The following AGK variants were observed in gnomAD, a reference collection of about 807,000 sequenced individuals.
AGK encodes acylglycerol kinase.
A neutral mutation model predicts 66.4 loss-of-function variants in AGK; 52 were observed. The observed-to-expected ratio is 0.78, with a 90% CI of 0.63 to 0.99. The LOEUF is 0.99. Ranked by LOEUF, AGK falls within the 50% of genes least tolerant of loss-of-function variation. The probability of loss-of-function intolerance (pLI) is 0.00; values close to 1 mark genes in which losing one functional copy is unlikely to be tolerated. For synonymous variants in AGK, 182 were observed against 181.1 expected, an observed-to-expected ratio of 1.00 and a Z score of -0.04; for missense variants, 451 against 506.6, an observed-to-expected ratio of 0.89 and a Z score of 1.05.
chr7:141,580,679 G>C (rs1161738354), intron 2 of AGK, among the ~76,000 whole-genome samples: 1 of 152,076 alleles, frequency 6.6e-6, no homozygotes, highest in Non-Finnish European at 1.5e-5. Context: ...GCCTCTAAAA[G>C]TATTAAGGCA....
At chr7:141,594,627 A>G (rs181445345) in intron 3 of AGK, among the ~76,000 whole-genome samples, 2 of 151,314 alleles carry the variant, frequency 1.3e-5, no homozygotes, top group East Asian at 3.9e-4. Context: ...TCCTTTAGTT[A>G]TTTTCTCCTT....
chr7:141,556,771 CCT>C (rs1014914384), intron 2 of AGK, among the ~76,000 whole-genome samples: 3 of 152,084 alleles, frequency 2.0e-5, no homozygotes, highest in Non-Finnish European at 4.4e-5. Context: ...TCCTCCATCC[CCT>C]GTTACTATCC....
At chr7:141,638,815 T>C (rs1412044743) in intron 11 of AGK, among the ~76,000 whole-genome samples, 1 of 152,148 alleles carries the variant, frequency 6.6e-6, no homozygotes, top group Non-Finnish European at 1.5e-5. Context: ...TTAATCTATG[T>C]AGAGTTTAAC....
chr7:141,585,490 G>A (rs575017321), intron 2 of AGK, among the ~76,000 whole-genome samples: 10 of 152,148 alleles, frequency 6.6e-5, no homozygotes, highest in South Asian at 2.1e-4. Context: ...TGTTATAAAC[G>A]TCTAAACTTG....
chr7:141,562,550 G>A (rs1795372884), intron 2 of AGK, among the ~76,000 whole-genome samples: 4 of 152,182 alleles, frequency 2.6e-5, no homozygotes, highest in Admixed American at 1.3e-4. Context: ...GTATGGGGAG[G>A]TGGTTCTCAG....
intron 2 of AGK, among the ~76,000 whole-genome samples, chr7:141,557,141 A>G (rs888978032): frequency 1.3e-5 from 2 of 152,344 alleles, no homozygotes; most frequent in African/African-American, 4.8e-5. Context: ...TGGAAAAGAG[A>G]TTCATATTGA....
chr7:141,636,819 C>G (rs140265022), intron 10 of AGK, 141 bp from the exon 11 acceptor site: 1 of 595,538 alleles, frequency 1.7e-6, no homozygotes, highest in African/African-American at 1.8e-5. Context: ...CTCTTTTATA[C>G]TAAGCCATAA....
chr7:141,587,085 T>C (rs11768654), intron 2 of AGK, among the ~76,000 whole-genome samples: 72,386 of 152,054 alleles, frequency 0.48, 17,453 homozygotes, highest in East Asian at 0.58. Context: ...TCTCTCACAC[T>C]TGCACTTTCT....
At position 141,640,993 on chromosome 7, in the gene AGK, G is replaced by A. The variant is rs78594508; in HGVS notation, c.727-255G>A. ...ACCCTCTTTTTGGACAAATGTAAATGGTGGTGGTTAGCCAATTTTAGGGGG... is the reference window on the plus strand; with the variant it reads ...ACCCTCTTTTTGGACAAATGTAAATAGTGGTGGTTAGCCAATTTTAGGGGG... On this transcript the variant is annotated intron_variant, in intron 11 of 15. Coordinates refer to ENST00000649286, the MANE Select transcript of AGK (RefSeq NM_018238.4). 1.2e-4 allele frequency among the ~76,000 whole-genome samples: 19 copies of A among 152,248 alleles called. No individual in the cohort carries two copies. In the East Asian group the frequency reaches 2.9e-3, roughly 23 times the overall value.
chr7:141,587,088 C>T (rs1271164230), intron 2 of AGK, among the ~76,000 whole-genome samples: 1 of 152,222 alleles, frequency 6.6e-6, no homozygotes, highest in South Asian at 2.1e-4. Context: ...CTCACACTTG[C>T]ACTTTCTGCT....
chr7:141,617,747 G>C (rs973636334), intron 8 of AGK, among the ~76,000 whole-genome samples: 4 of 152,242 alleles, frequency 2.6e-5, no homozygotes, highest in Middle Eastern at 3.4e-3. Flanking sequence ...AAAAAGACTT[G>C]ATGAGTTACA....
chr7:141,626,099 C>T (rs904363685), intron 9 of AGK, among the ~76,000 whole-genome samples: 1 of 152,132 alleles, frequency 6.6e-6, no homozygotes, highest in Admixed American at 6.5e-5. Context: ...ATAAAAATAG[C>T]CAAGGCGCTG....
At chr7:141,588,751 T>G (rs890365378) in intron 2 of AGK, among the ~76,000 whole-genome samples, 3 of 152,120 alleles carry the variant, frequency 2.0e-5, no homozygotes, top group African/African-American at 7.2e-5. Context: ...ATTCATGAGT[T>G]TTTTCAGAAA....
chr7:141,638,373 G>A (rs1166629892), intron 11 of AGK, among the ~76,000 whole-genome samples: 1 of 152,152 alleles, frequency 6.6e-6, no homozygotes, highest in Admixed American at 6.5e-5. Flanking sequence ...TAAAATGGCA[G>A]GAAGTGAAGC....
At chr7:141,583,355 G>A (rs1795921929) in intron 2 of AGK, among the ~76,000 whole-genome samples, 1 of 151,406 alleles carries the variant, frequency 6.6e-6, no homozygotes, top group East Asian at 1.9e-4. Flanking sequence ...ATGGAGAGAA[G>A]GGGTGGGGGT....
chr7:141,647,938 T>C (rs769396779), intron 13 of AGK, among the ~76,000 whole-genome samples: 48 of 152,210 alleles, frequency 3.2e-4, no homozygotes, highest in African/African-American at 1.0e-3. Flanking sequence ...CCCAAAGTGC[T>C]GAGATCACAG....
At chr7:141,582,906 G>A (rs1351347732) in intron 2 of AGK, among the ~76,000 whole-genome samples, 8 of 151,646 alleles carry the variant, frequency 5.3e-5, no homozygotes, top group Admixed American at 5.2e-4. Flanking sequence ...GAGGTCAGAT[G>A]GGTCCATAAA....
chr7:141,652,759 G>A lies in AGK; in HGVS notation c.1132-28G>A, dbSNP rs772736045. ...TCCAGTAGGCCACTGATGTGTTTGAGCTGTTCTGAATATTCTCTTCTCCCC... is the reference window on the plus strand; with the variant it reads ...TCCAGTAGGCCACTGATGTGTTTGAACTGTTCTGAATATTCTCTTCTCCCC... On this transcript the variant is annotated intron_variant, in intron 15 of 15. Transcript: ENST00000649286. The A allele has an allele frequency of 3.7e-6, 6 of 1,611,160 alleles. No individual in the cohort carries two copies. In the African/African-American group the frequency reaches 8.0e-5, roughly 22 times the overall value.
At chr7:141,641,146 T>C in intron 11 of AGK, 102 bp from the exon 12 acceptor site, 1 of 1,075,392 alleles carries the variant, frequency 9.3e-7, no homozygotes, top group Non-Finnish European at 1.3e-6. Context: ...TAGTTCACTT[T>C]CTAGCAGGTA....
Sources: allele counts gnomAD v4.1 joint callset (sites outside exome capture counted in the v4.1 genomes callset), GRCh38; gene constraint gnomAD v4.1.1; transcripts MANE v1.5; gene names NCBI Gene and HGNC (gene_info 2026-07-23, HGNC 2026-07-21).